Variants in PDE4D observed in about 807,000 individuals in gnomAD.
The protein encoded by PDE4D is 3',5'-cyclic-AMP phosphodiesterase 4D.
A neutral mutation model predicts 87.4 loss-of-function variants in PDE4D; 24 were observed. The observed-to-expected ratio is 0.27, with a 90% confidence interval of 0.20 to 0.39. The LOEUF is 0.39. Ranked by LOEUF, PDE4D falls within the 10% of genes least tolerant of loss-of-function variation. PDE4D has a pLI of 1.00. For synonymous variants in PDE4D, 384 were observed against 383.2 expected (o/e 1.00, Z -0.02); for missense variants, 714 against 1,041.0 (o/e 0.69, Z 4.32).
chr5:59,518,291 C>T (rs1811539597), intron 1 of PDE4D, among the ~76,000 whole-genome samples: 1 of 151,060 alleles, frequency 6.6e-6, no homozygotes, highest in Non-Finnish European at 1.5e-5. Flanking sequence ...ATGATGTTTG[C>T]TATTGTATTT....
chr5:59,206,959 T>C (rs544823450), intron 2 of PDE4D, among the ~76,000 whole-genome samples: 17 of 151,898 alleles, frequency 1.1e-4, no homozygotes, highest in Admixed American at 1.1e-3. Context: ...AAAGCAGGAG[T>C]ATTGCTTGAG....
At chr5:59,384,789 A>AT (rs1191580433) in intron 1 of PDE4D, among the ~76,000 whole-genome samples, 2 of 151,096 alleles carry the variant, frequency 1.3e-5, no homozygotes, top group African/African-American at 2.4e-5. Flanking sequence ...CTTGATTTTC[A>AT]TTTTTTTAGC....
chr5:60,320,660 T>C (rs995598362), intron 1 of PDE4D, among the ~76,000 whole-genome samples: 2 of 152,162 alleles, frequency 1.3e-5, no homozygotes, highest in Non-Finnish European at 2.9e-5. Context: ...GAAAACCCCA[T>C]AGTCTCTGCC....
At chr5:60,476,430 A>G (rs1561298135) in intron 1 of PDE4D, among the ~76,000 whole-genome samples, 1 of 152,102 alleles carries the variant, frequency 6.6e-6, no homozygotes, top group African/African-American at 2.4e-5. Flanking sequence ...AGCCCCTGCC[A>G]TGACTGTCAT....
chr5:60,250,073 A>G (rs1191786421), intron 1 of PDE4D, among the ~76,000 whole-genome samples: 1 of 152,014 alleles, frequency 6.6e-6, no homozygotes, highest in Non-Finnish European at 1.5e-5. Flanking sequence ...CCAGTAATAG[A>G]AAATGTATAT....
At chr5:60,118,219 G>T (rs2149372200) in intron 2 of PDE4D, among the ~76,000 whole-genome samples, 1 of 152,086 alleles carries the variant, frequency 6.6e-6, no homozygotes, top group Admixed American at 6.6e-5. Context: ...GTCCTATCCT[G>T]AACTGATCAC....
At chr5:59,671,346 C>G (rs1349725676) in intron 1 of PDE4D, among the ~76,000 whole-genome samples, 1 of 152,070 alleles carries the variant, frequency 6.6e-6, no homozygotes, top group East Asian at 1.9e-4. Flanking sequence ...AAGGATAACT[C>G]CTGTTTGGCT....
chr5:60,303,486 T>G, intron 1 of PDE4D, among the ~76,000 whole-genome samples: 1 of 152,000 alleles, frequency 6.6e-6, no homozygotes, highest in African/African-American at 2.4e-5. Context: ...TTTTTGTATT[T>G]TTAGTAGAGA....
At chr5:59,989,264 T>G (rs1298840978) in intron 2 of PDE4D, among the ~76,000 whole-genome samples, 2 of 151,646 alleles carry the variant, frequency 1.3e-5, no homozygotes, top group Non-Finnish European at 2.9e-5. Context: ...TAGGCAATTA[T>G]AACACAATGG....
chr5:59,197,292 GC>G (rs1279887892), intron 2 of PDE4D, among the ~76,000 whole-genome samples: 2 of 152,000 alleles, frequency 1.3e-5, no homozygotes, highest in African/African-American at 4.8e-5. Context: ...TAATTTACCA[GC>G]CTTTTTTCCC....
At chr5:60,045,181 T>C (rs1469728490) in intron 2 of PDE4D, among the ~76,000 whole-genome samples, 1 of 151,946 alleles carries the variant, frequency 6.6e-6, no homozygotes, top group African/African-American at 2.4e-5. Context: ...AAGTGTCTGT[T>C]CATGTCCACC....
chr5:60,314,449 G>T (rs1421939596), intron 1 of PDE4D, among the ~76,000 whole-genome samples: 1 of 152,078 alleles, frequency 6.6e-6, no homozygotes, highest in Non-Finnish European at 1.5e-5. Context: ...TTACAGGAGT[G>T]AGCCACTGCA....
chr5:60,219,366 T>G lies in PDE4D; in HGVS notation c.-89-33679A>C, dbSNP rs185691841. Among the ~76,000 whole-genome samples, 135 of 152,296 alleles carry G rather than the reference T, an allele frequency of 8.9e-4. 2 individuals are homozygous for G. In the East Asian group the frequency reaches 0.02, roughly 23 times the overall value. On this transcript the variant is annotated intron_variant, in intron 1 of 16. Coordinates refer to the PDE4D transcript ENST00000502484. ...ATAATCTGTTTTATGTTTGTTTCAC[T>G]GACATAATCTAGTAGCTCTTGTTGA... is the stretch of plus-strand genomic sequence containing the variant.
intron 1 of PDE4D, among the ~76,000 whole-genome samples, chr5:59,461,929 T>C (rs887673863): frequency 2.6e-5 from 4 of 152,196 alleles, no homozygotes. Context: ...ATAGATTTAA[T>C]GTTTAAAATT....
In PDE4D at chr5:59,400,515, T is replaced by C. The variant is rs566451026; in HGVS notation, c.456-184547A>G. Among the ~76,000 whole-genome samples the C allele has an allele frequency of 3.6e-5, 5 of 137,210 alleles. No homozygotes were observed. In the East Asian group the frequency reaches 1.1e-3, roughly 30 times the overall value. 90.0% of individuals were successfully genotyped at this position (137,210 alleles called of 152,430 possible). ...ACCAAACACCGCATATTCTCACTCA[T>C]AGGTGGGAATTGAACAATGAGATCA... On this transcript the variant is annotated intron_variant, in intron 1 of 14. Coordinates refer to ENST00000340635, the MANE Select transcript of PDE4D (RefSeq NM_001104631.2).
chr5:60,275,038 A>G (rs987219090), intron 1 of PDE4D, among the ~76,000 whole-genome samples: 1 of 152,214 alleles, frequency 6.6e-6, no homozygotes, highest in Non-Finnish European at 1.5e-5. Context: ...TTGTTAAAAC[A>G]GAGATTGCTA....
chr5:59,850,548 A>G (rs540415653), intron 1 of PDE4D, among the ~76,000 whole-genome samples: 1 of 152,192 alleles, frequency 6.6e-6, no homozygotes, highest in Admixed American at 6.6e-5. Flanking sequence ...GAAAAGGCAT[A>G]GAGACGTGAA....
upstream of PDE4D, among the ~76,000 whole-genome samples, chr5:59,895,966 G>C (rs1361483940): frequency 6.6e-6 from 1 of 152,064 alleles, no homozygotes; most frequent in African/African-American, 2.4e-5. Context: ...TTGCAAGTCA[G>C]GAACATTTTA....
At chr5:60,085,849 A>G (rs1474808957) in intron 2 of PDE4D, among the ~76,000 whole-genome samples, 1 of 152,246 alleles carries the variant, frequency 6.6e-6, no homozygotes, top group Non-Finnish European at 1.5e-5. Flanking sequence ...GGGTTAGGTG[A>G]AAGGCCATGT....
Sources: gnomAD v4.1 joint callset for allele counts (sites outside exome capture counted in the v4.1 genomes callset) on GRCh38, gnomAD v4.1.1 for gene constraint, MANE v1.5 for transcripts, NCBI Gene and HGNC (gene_info 2026-07-23, HGNC 2026-07-21) for gene names.